NLGN4Y: variants seen among roughly 807,000 people sequenced by gnomAD.
NLGN4Y encodes the protein neuroligin-4, Y-linked.
In NLGN4Y, 4 loss-of-function variants were observed where a neutral mutation model predicts 8.4. The observed-to-expected ratio is 0.48, with a 90% CI of 0.23 to 1.09. The LOEUF (loss-of-function observed/expected upper bound fraction) is 1.09. Among genes scored for constraint, NLGN4Y ranks in the 50% least tolerant of loss-of-function variants. The pLI, the probability that NLGN4Y is intolerant of heterozygous loss-of-function variation, is 0.19. For synonymous variants in NLGN4Y, 35 were observed against 75.6 expected (o/e 0.46, Z 2.78); for missense variants, 90 against 192.3 (o/e 0.47, Z 3.15).
At chrY:14,549,691 T>C in intron 1 of NLGN4Y, among the ~76,000 whole-genome samples, 1 of 33,290 alleles carries the variant, frequency 3.0e-5, no homozygotes, top group Non-Finnish European at 7.4e-5. Flanking sequence ...AGAACTAATT[T>C]ACTGATTCCT....
intron 4 of NLGN4Y, among the ~76,000 whole-genome samples, chrY:14,792,539 C>G (rs1357013129): frequency 3.3e-5 from 1 of 30,580 alleles, no homozygotes; most frequent in Non-Finnish European, 7.8e-5. Context: ...CTTGTAATCC[C>G]AGCACTTTGG....
At position 14,555,944 on chromosome Y, in the gene NLGN4Y, G is replaced by A. The variant is rs750225327; in HGVS notation, c.-112+31236G>A. The stretch of plus-strand genomic sequence containing the variant: ...GAGGGAGGTGGATGACTTGAGGTCA[G>A]GAGTTCGAGACTAGCCTGTCCTACA... On this transcript the variant is annotated intron_variant, in intron 1 of 6. Coordinates refer to ENST00000684976, the MANE Select transcript of NLGN4Y (RefSeq NM_001365588.1). 1.2e-4 allele frequency among the ~76,000 whole-genome samples: 4 copies of A among 32,835 alleles called. No homozygotes were observed. The South Asian group carries it at 2.9e-3, about 24-fold the overall frequency. The allele number at this position is 32,835 out of a possible 37,273, so 88.1% of individuals were successfully genotyped here.
intron 2 of NLGN4Y, among the ~76,000 whole-genome samples, chrY:14,687,001 C>T: frequency 6.2e-4 from 20 of 32,277 alleles, no homozygotes. Context: ...TTGCTATGTT[C>T]CCAAGGCTGG....
chrY:14,620,593 T>C (rs773743896), intron 1 of NLGN4Y, among the ~76,000 whole-genome samples: 26 of 34,114 alleles, frequency 7.6e-4, no homozygotes, highest in African/African-American at 3.0e-3. Flanking sequence ...CCATGTGATG[T>C]ATTTTGTTCA....
chrY:14,718,177 G>C, intron 2 of NLGN4Y, among the ~76,000 whole-genome samples: 1 of 33,930 alleles, frequency 2.9e-5, no homozygotes, highest in Non-Finnish European at 7.3e-5. Context: ...CACTCAGCCA[G>C]GTCTGATTTT....
chrY:14,603,905 T>C, intron 1 of NLGN4Y, among the ~76,000 whole-genome samples: 2 of 33,552 alleles, frequency 6.0e-5, no homozygotes, highest in Admixed American at 5.5e-4. Context: ...GGATAGATAC[T>C]GTCATGAAAA....
intron 1 of NLGN4Y, among the ~76,000 whole-genome samples, chrY:14,621,199 T>C: frequency 3.0e-5 from 1 of 32,800 alleles, no homozygotes; most frequent in Non-Finnish European, 7.5e-5. Context: ...CTCTTTTCAT[T>C]TGATGATTTT....
At chrY:14,743,955 A>G in intron 4 of NLGN4Y, among the ~76,000 whole-genome samples, 1 of 33,266 alleles carries the variant, frequency 3.0e-5, no homozygotes, top group Non-Finnish European at 7.4e-5. Context: ...TAAGCTGGAT[A>G]TCACTTTCCA....
chrY:14,652,576 G>T (rs2080633298), intron 2 of NLGN4Y, among the ~76,000 whole-genome samples: 2 of 32,450 alleles, frequency 6.2e-5, no homozygotes, highest in Admixed American at 2.8e-4. Flanking sequence ...TTCTTAATTT[G>T]TCTCCCTTCC....
intron 4 of NLGN4Y, among the ~76,000 whole-genome samples, chrY:14,814,364 C>T: frequency 3.0e-5 from 1 of 33,008 alleles, no homozygotes; most frequent in Non-Finnish European, 7.4e-5. Flanking sequence ...GCCACAAGGT[C>T]GATTCAGGGG....
intron 2 of NLGN4Y, among the ~76,000 whole-genome samples, chrY:14,694,854 T>G: frequency 2.9e-5 from 1 of 34,113 alleles, no homozygotes; most frequent in African/African-American, 1.1e-4. Context: ...AGTCCAGATT[T>G]CCCTTTTCAC....
chrY:14,562,308 A>G, intron 1 of NLGN4Y, among the ~76,000 whole-genome samples: 1 of 33,520 alleles, frequency 3.0e-5, no homozygotes, highest in Non-Finnish European at 7.4e-5. Context: ...TCCCAACACC[A>G]TTTATTAAAT....
At chrY:14,587,955 G>A (rs754839877) in intron 1 of NLGN4Y, among the ~76,000 whole-genome samples, 36 of 33,222 alleles carry the variant, frequency 1.1e-3, no homozygotes, top group African/African-American at 3.7e-3. Context: ...GCAGGTGGGG[G>A]GCAATGAAAG....
chrY:14,609,623 T>C, intron 1 of NLGN4Y, among the ~76,000 whole-genome samples: 1 of 33,711 alleles, frequency 3.0e-5, no homozygotes, highest in Non-Finnish European at 7.4e-5. Context: ...GCCAGCATTT[T>C]ATTGAGGATT....
chrY:14,707,155 G>A, intron 2 of NLGN4Y, among the ~76,000 whole-genome samples: 1 of 14,850 alleles, frequency 6.7e-5, no homozygotes, highest in African/African-American at 2.7e-4. Context: ...CTATATATGC[G>A]TGTGTGTGTA....
chrY:14,624,253 T>C (rs2080520691), intron 2 of NLGN4Y, among the ~76,000 whole-genome samples: 1 of 33,569 alleles, frequency 3.0e-5, no homozygotes, highest in Non-Finnish European at 7.3e-5. Context: ...AGAGCTAGCC[T>C]TGGCAACAAT....
intron 1 of NLGN4Y, among the ~76,000 whole-genome samples, chrY:14,550,317 T>C: frequency 5.8e-5 from 2 of 34,217 alleles, no homozygotes; most frequent in Admixed American, 2.6e-4. Context: ...CCCCCCAAAA[T>C]TTGACTCTTT....
chrY:14,624,843 C>T (rs1022366825), intron 2 of NLGN4Y, among the ~76,000 whole-genome samples: 1 of 33,250 alleles, frequency 3.0e-5, no homozygotes, highest in Non-Finnish European at 7.4e-5. Flanking sequence ...GTTGGCATCA[C>T]GCTGATTCTC....
At chrY:14,568,276 G>A (rs2080259240) in intron 1 of NLGN4Y, among the ~76,000 whole-genome samples, 1 of 32,684 alleles carries the variant, frequency 3.1e-5, no homozygotes, top group Non-Finnish European at 7.5e-5. Context: ...AGAGACCCCT[G>A]GCCAGAGTAG....
Sources: allele counts gnomAD v4.1 joint callset (sites outside exome capture counted in the v4.1 genomes callset), GRCh38; gene constraint gnomAD v4.1.1; transcripts MANE v1.5; gene names NCBI Gene and HGNC (gene_info 2026-07-23, HGNC 2026-07-21).